NASP: variants seen among roughly 807,000 people sequenced by gnomAD.
NASP encodes the protein NASP histone chaperone.
Under a neutral mutation model 89.5 loss-of-function variants are expected in NASP, and 24 were observed. The ratio of observed to expected loss-of-function variants is 0.27; its 90% CI spans 0.19 to 0.38. The LOEUF (loss-of-function observed/expected upper bound fraction) is 0.38, where lower values mean the gene tolerates loss of function less well. NASP is among the 10% of genes least tolerant of loss of function. NASP has a pLI of 1.00. For missense variants in NASP, 848 were observed against 921.4 expected, an observed-to-expected ratio of 0.92 and a Z score of 1.03; for synonymous variants, 306 against 324.7, an observed-to-expected ratio of 0.94 and a Z score of 0.62.
At chr1:45,610,390 C>G (rs1557663445) in intron 6 of NASP, 3 of 152,194 alleles carry the variant, frequency 2.0e-5, no homozygotes. Context: ...CCTAGTCACA[C>G]AGTAAGGAGA....
chr1:45,618,392 G>GAGGT lies in NASP; in HGVS notation c.*252_*255dup. The GAGGT allele has an allele frequency of 2.9e-6, 1 of 341,486 alleles. No homozygotes were observed. The highest frequency in any genetic ancestry group is 5.6e-6 in the Non-Finnish European group (1 of 179,128). 21.2% of individuals were successfully genotyped at this position (341,486 alleles called of 1,614,324 possible). A position where few individuals can be genotyped will look rare whatever the true frequency, so the allele number is the denominator to read the frequency against. ...TCCTAATTCCTATCTGTCTAACGTG[G>GAGGT]AGGTGATCAAGTGTGGCTGTAGGCC... On this transcript the variant is annotated 3_prime_UTR_variant, in exon 15 of 15. Coordinates refer to ENST00000350030, the MANE Select transcript of NASP (RefSeq NM_002482.4).
intron 2 of NASP, 102 bp from the exon 3 acceptor site, chr1:45,602,153 C>A: frequency 7.0e-7 from 1 of 1,423,334 alleles, no homozygotes; most frequent in Non-Finnish European, 9.3e-7. Context: ...CCAGAGTAGT[C>A]CAAAAGTTTT....
At chr1:45,600,128 A>G (rs1361061553) in intron 2 of NASP, among the ~76,000 whole-genome samples, 4 of 152,094 alleles carry the variant, frequency 2.6e-5, no homozygotes, top group Non-Finnish European at 4.4e-5. Context: ...ATCCTTCCAA[A>G]TAATTTGGTT....
intron 5 of NASP, chr1:45,606,810 T>A (rs1643915235): frequency 2.4e-6 from 1 of 424,606 alleles, no homozygotes; most frequent in Admixed American, 4.1e-5. Flanking sequence ...TAAATCCAGT[T>A]ATTTCGATTG....
chr1:45,608,122 C>G lies in NASP; in HGVS notation c.1211C>G (p.Thr404Arg), dbSNP rs757589874. The G allele has an allele frequency of 6.2e-7, 1 of 1,613,896 alleles. No homozygotes were observed. ...ACTTCTATAGAAAGACTGACAGAAA[C>G]AAAAGATGGCTCAGGACTAGAGGAG... ...PQTSIERLTETKDGSGLEEKV... is the reference protein window; with the variant it reads ...PQTSIERLTERKDGSGLEEKV... Residue 404 changes from threonine to arginine, a missense_variant, in exon 6 of 15, where the codon ACA (threonine) becomes AGA (arginine). By Grantham distance (71) the Thr-to-Arg change is moderately conservative. Transcript: ENST00000350030.
intron 1 of NASP, among the ~76,000 whole-genome samples, chr1:45,590,682 C>CTTT (rs386366869): frequency 0.022 from 2,304 of 107,130 alleles, 147 homozygotes; most frequent in South Asian, 0.04. Context: ...CATAGTGTAA[C>CTTT]TTTTTTTTTT....
At chr1:45,594,835 TGA>T (rs1189437470) in intron 2 of NASP, 7 of 376,238 alleles carry the variant, frequency 1.9e-5, no homozygotes, top group Non-Finnish European at 3.4e-5. Context: ...ATTCTGATTC[TGA>T]GAGAAACATG....
Position 45,591,456 on chromosome 1 carries a change from C to T in NASP, c.107+186C>T, listed in dbSNP as rs954760928. Among the ~76,000 whole-genome samples the T allele has an allele frequency of 4.8e-4, 73 of 152,174 alleles. 1 individual carries two copies. Among genetic ancestry groups the T allele is most frequent in the Non-Finnish European group, 3.2e-4 (22 of 68,036 alleles). Reference sequence around the variant, plus strand: ...ACAACCTTGAACTCCTGGGCTCAAGCAATCTTCCCACTTCAACCTCCTGAG... The same window carrying T: ...ACAACCTTGAACTCCTGGGCTCAAGTAATCTTCCCACTTCAACCTCCTGAG... On this transcript the variant is annotated intron_variant, in intron 2 of 14. Coordinates refer to ENST00000350030, the MANE Select transcript of NASP (RefSeq NM_002482.4).
intron 2 of NASP, 117 bp from the exon 3 acceptor site, chr1:45,602,138 C>G: frequency 8.0e-7 from 1 of 1,244,198 alleles, no homozygotes; most frequent in Non-Finnish European, 1.1e-6. Flanking sequence ...GTTAGCCAGG[C>G]CTTGCCAGAG....
In NASP at chr1:45,615,140, T is replaced by C. The variant is rs1644081633; in HGVS notation, c.1794T>C (p.Ser598=). The change falls in exon 10 of 15, where the codon TCT becomes TCC. Residue 598 remains serine (S), a synonymous_variant. Coordinates refer to ENST00000350030, the MANE Select transcript of NASP (RefSeq NM_002482.4). ...TGGGCTTGGCTTATGGGTACAACTC[T>C]CAGTATGATGAGGCAGTGGCACAGT... ...YQLGLAYGYN[S]QYDEAVAQFS... is the part of the protein sequence containing the mutation. 2 of 1,614,114 alleles carry C rather than the reference T, an allele frequency of 1.2e-6. No homozygotes were observed. Among genetic ancestry groups the C allele is most frequent in the Non-Finnish European group, 1.7e-6 (2 of 1,180,034 alleles).
At position 45,591,172 on chromosome 1, in the gene NASP, T is replaced by C. The variant is rs754039146; in HGVS notation, c.60-51T>C. 3.0e-5 allele frequency: 33 copies of C among 1,110,072 alleles called. No homozygotes were observed. The South Asian group carries it at 5.0e-4, about 17-fold the overall frequency. The allele number at this position is 1,110,072 out of a possible 1,614,324, so 68.8% of individuals were successfully genotyped here. A position where few individuals can be genotyped will look rare whatever the true frequency, so the allele number is the denominator to read the frequency against. On this transcript the variant is annotated intron_variant, in intron 1 of 14. Coordinates refer to ENST00000350030, the MANE Select transcript of NASP (RefSeq NM_002482.4). ...TCTGAATTTATTTTATTTTCAGGCT[T>C]AATAATTGCCTCCAGTTTTACATTT...
At chr1:45,611,088 C>G (rs529352418) in intron 6 of NASP, 4 of 152,220 alleles carry the variant, frequency 2.6e-5, no homozygotes, top group African/African-American at 9.6e-5. Flanking sequence ...AAAGTTAGAC[C>G]AGATGGATGG....
At chr1:45,590,549 CAAA>C (rs1036511604) in intron 1 of NASP, among the ~76,000 whole-genome samples, 1 of 58,962 alleles carries the variant, frequency 1.7e-5, no homozygotes, top group Non-Finnish European at 3.6e-5. Flanking sequence ...GACTCTGTCT[CAAA>C]AAAAAAAAAA....
intron 2 of NASP, among the ~76,000 whole-genome samples, chr1:45,594,056 G>C (rs938308779): frequency 6.6e-6 from 1 of 151,338 alleles, no homozygotes; most frequent in Non-Finnish European, 1.5e-5. Context: ...AAACAAAATA[G>C]GGCTAGGCGC....
At chr1:45,591,929 T>C (rs1054768000) in intron 2 of NASP, among the ~76,000 whole-genome samples, 3 of 152,350 alleles carry the variant, frequency 2.0e-5, no homozygotes, top group Admixed American at 2.0e-4. Flanking sequence ...AAAGGGATTC[T>C]TCTGCCTCAG....
intron 1 of NASP, among the ~76,000 whole-genome samples, chr1:45,584,502 G>A (rs1456481678): frequency 6.6e-6 from 1 of 152,172 alleles, no homozygotes; most frequent in Non-Finnish European, 1.5e-5. Flanking sequence ...CCCCAGCCCG[G>A]GGCGGTTGGC....
intron 3 of NASP, among the ~76,000 whole-genome samples, chr1:45,603,632 G>A (rs1643877827): frequency 1.8e-5 from 2 of 113,256 alleles, no homozygotes; most frequent in African/African-American, 6.8e-5. Flanking sequence ...TTTTGAGATG[G>A]GAGTTTCGCT....
intron 2 of NASP, among the ~76,000 whole-genome samples, chr1:45,595,207 T>C (rs994739705): frequency 8.7e-5 from 13 of 149,480 alleles, no homozygotes; most frequent in East Asian, 8.0e-4. Flanking sequence ...CAGGGTCTTA[T>C]TATGTTGCTC....
chr1:45,604,866 C>A, intron 3 of NASP, 70 bp from the exon 4 acceptor site: 2 of 1,176,988 alleles, frequency 1.7e-6, no homozygotes, highest in Non-Finnish European at 2.5e-6. Flanking sequence ...CAATTTATAA[C>A]TGAAGAACTA....
Sources: allele counts gnomAD v4.1 joint callset (sites outside exome capture counted in the v4.1 genomes callset), GRCh38; gene constraint gnomAD v4.1.1; transcripts MANE v1.5; gene names NCBI Gene and HGNC (gene_info 2026-07-23, HGNC 2026-07-21).